Variants in DAPK1 observed in about 807,000 individuals in gnomAD.
The protein encoded by DAPK1 is death-associated protein kinase 1.
DAPK1 carries 56 observed loss-of-function variants against 144.9 expected under a neutral mutation model. That is an observed-to-expected ratio of 0.39 (90% confidence interval 0.31 to 0.48). The LOEUF is 0.48. Among genes scored for constraint, DAPK1 ranks in the 20% least tolerant of loss-of-function variants. The pLI is 0.95. For missense variants in DAPK1, 1,454 were observed against 1,875.4 expected, an observed-to-expected ratio of 0.78 and a Z score of 4.15; for synonymous variants, 690 against 749.0, an observed-to-expected ratio of 0.92 and a Z score of 1.29.
chr9:87,653,232 CCGGGTCCTG>C (rs1830518789), intron 17 of DAPK1, among the ~76,000 whole-genome samples: 3 of 151,504 alleles, frequency 2.0e-5, no homozygotes, highest in Admixed American at 2.0e-4. Flanking sequence ...TCACCTGAAC[CCGGGTCCTG>C]ATTCTGTGTC....
chr9:87,621,602 A>G (rs1829294610), intron 3 of DAPK1, among the ~76,000 whole-genome samples: 1 of 152,122 alleles, frequency 6.6e-6, no homozygotes, highest in South Asian at 2.1e-4. Context: ...CTTGAAATCT[A>G]GAGCTCAGGG....
intron 18 of DAPK1, among the ~76,000 whole-genome samples, chr9:87,661,797 T>C (rs1241827524): frequency 6.6e-6 from 1 of 152,214 alleles, no homozygotes; most frequent in Non-Finnish European, 1.5e-5. Context: ...ACTCTGTTGA[T>C]TATTTCTTTT....
chr9:87,508,259 T>G (rs1379139676), intron 2 of DAPK1, among the ~76,000 whole-genome samples: 1 of 151,916 alleles, frequency 6.6e-6, no homozygotes, highest in Non-Finnish European at 1.5e-5. Context: ...TGATCTGCCC[T>G]CCTCGGTCTC....
At chr9:87,626,110 G>A (rs1829480528) in intron 3 of DAPK1, among the ~76,000 whole-genome samples, 1 of 152,188 alleles carries the variant, frequency 6.6e-6, no homozygotes, top group Non-Finnish European at 1.5e-5. Flanking sequence ...TATTCGATTG[G>A]TAAAAGTAAT....
intron 18 of DAPK1, among the ~76,000 whole-genome samples, chr9:87,665,940 A>G (rs1233303275): frequency 1.3e-5 from 2 of 152,186 alleles, no homozygotes; most frequent in African/African-American, 4.8e-5. Flanking sequence ...TTTTCAATGC[A>G]TGCACTTCAT....
At chr9:87,547,994 T>G (rs961042106) in intron 2 of DAPK1, among the ~76,000 whole-genome samples, 2 of 152,198 alleles carry the variant, frequency 1.3e-5, no homozygotes, top group African/African-American at 4.8e-5. Flanking sequence ...GTGGCGGAAG[T>G]GCTGAGAAGC....
At chr9:87,669,799 C>T (rs953063165) in intron 19 of DAPK1, among the ~76,000 whole-genome samples, 4 of 152,056 alleles carry the variant, frequency 2.6e-5, no homozygotes, top group Non-Finnish European at 4.4e-5. Context: ...TTTCTTTCCT[C>T]ATGCAGAATA....
chr9:87,681,457 G>A lies in DAPK1; in HGVS notation c.2055G>A (p.Gln685=). The change falls in exon 20 of 26, where the codon CAG becomes CAA. Residue 685 remains glutamine (Q), a synonymous_variant. Coordinates refer to ENST00000408954, the MANE Select transcript of DAPK1 (RefSeq NM_004938.4). Reference sequence around the variant, plus strand: ...AGCTCCGACCCACACAGAACCTGCAGCCAAGAATTAAGCTCAAGCTGTTTG... The same window carrying A: ...AGCTCCGACCCACACAGAACCTGCAACCAAGAATTAAGCTCAAGCTGTTTG... ...IQQLRPTQNL[Q]PRIKLKLFGH... 6.2e-7 allele frequency: 1 copy of A among 1,613,854 alleles called. No homozygotes were observed. The highest frequency in any genetic ancestry group is 1.1e-5 in the South Asian group (1 of 91,076).
At chr9:87,648,678 G>A (rs1830343769) in intron 14 of DAPK1, 103 bp from the exon 15 acceptor site, 3 of 1,043,610 alleles carry the variant, frequency 2.9e-6, no homozygotes, top group Non-Finnish European at 4.4e-6. Context: ...AACCAAAGGG[G>A]ACAGAGTGGA....
At chr9:87,645,790 C>T in intron 11 of DAPK1, 105 bp from the exon 12 acceptor site, 2 of 1,443,602 alleles carry the variant, frequency 1.4e-6, no homozygotes. Flanking sequence ...GCTTACTTTC[C>T]TCTGAATGCC....
intron 2 of DAPK1, among the ~76,000 whole-genome samples, chr9:87,597,330 A>AGG (rs1442282715): frequency 2.0e-5 from 3 of 152,216 alleles, no homozygotes; most frequent in Non-Finnish European, 4.4e-5. Context: ...GCAAAGCTGT[A>AGG]GGGGCCTTTG....
chr9:87,535,679 A>T (rs1006488844), intron 2 of DAPK1, among the ~76,000 whole-genome samples: 2 of 152,204 alleles, frequency 1.3e-5, no homozygotes, highest in Admixed American at 6.5e-5. Flanking sequence ...AAGATCTCTT[A>T]GATTATGGTG....
At chr9:87,539,499 G>A (rs558730567) in intron 2 of DAPK1, among the ~76,000 whole-genome samples, 9 of 140,288 alleles carry the variant, frequency 6.4e-5, no homozygotes, top group Non-Finnish European at 1.4e-4. Context: ...GTATGATCTC[G>A]GCTCACTGCA....
intron 2 of DAPK1, among the ~76,000 whole-genome samples, chr9:87,528,232 T>C (rs1200022713): frequency 1.3e-5 from 2 of 151,820 alleles, no homozygotes; most frequent in East Asian, 1.9e-4. Flanking sequence ...TTTTTTTTTT[T>C]TTGAGACAAA....
At chr9:87,525,847 T>G (rs1825488226) in intron 2 of DAPK1, among the ~76,000 whole-genome samples, 1 of 152,204 alleles carries the variant, frequency 6.6e-6, no homozygotes, top group Non-Finnish European at 1.5e-5. Flanking sequence ...GCTCTGAAGC[T>G]CATGACCAGG....
At chr9:87,593,783 T>A (rs1034317738) in intron 2 of DAPK1, among the ~76,000 whole-genome samples, 1 of 152,184 alleles carries the variant, frequency 6.6e-6, no homozygotes, top group African/African-American at 2.4e-5. Context: ...GCTTGCCAAG[T>A]TGAGAACAAA....
intron 18 of DAPK1, among the ~76,000 whole-genome samples, chr9:87,661,456 TC>T (rs1203888349): frequency 1.3e-5 from 2 of 152,192 alleles, no homozygotes; most frequent in African/African-American, 4.8e-5. Flanking sequence ...GTATAAAAGT[TC>T]CCCTTTCTCT....
intron 3 of DAPK1, among the ~76,000 whole-genome samples, chr9:87,610,392 T>G (rs1828881417): frequency 6.6e-6 from 1 of 152,248 alleles, no homozygotes; most frequent in South Asian, 2.1e-4. Flanking sequence ...AACTTTCACC[T>G]TCAGTGCTTG....
At chr9:87,560,565 C>T (rs1481636786) in intron 2 of DAPK1, among the ~76,000 whole-genome samples, 1 of 151,972 alleles carries the variant, frequency 6.6e-6, no homozygotes, top group African/African-American at 2.4e-5. Flanking sequence ...AGATACCTCA[C>T]ATGAGTAGAA....
Sources: gnomAD v4.1 joint callset for allele counts (sites outside exome capture counted in the v4.1 genomes callset) on GRCh38, gnomAD v4.1.1 for gene constraint, MANE v1.5 for transcripts, NCBI Gene and HGNC (gene_info 2026-07-23, HGNC 2026-07-21) for gene names.